MGAT1: variants seen among roughly 807,000 people sequenced by gnomAD.
The protein encoded by MGAT1 is N-glycosyl-oligosaccharide-glycoprotein N-acetylglucosaminyltransferase I.
A neutral mutation model predicts 31.7 loss-of-function variants in MGAT1; 14 were observed. The observed-to-expected ratio is 0.44, with a 90% CI of 0.29 to 0.69. The LOEUF (loss-of-function observed/expected upper bound fraction) is 0.69, where lower values mean the gene tolerates loss of function less well. Among genes scored for constraint, MGAT1 ranks in the 30% least tolerant of loss-of-function variants. The pLI is 0.12. For missense variants in MGAT1, 557 were observed against 626.0 expected, an observed-to-expected ratio of 0.89 and a Z score of 1.18; for synonymous variants, 338 against 276.0, an observed-to-expected ratio of 1.22 and a Z score of -2.23.
rs907045704 is a variant in MGAT1, at chr5:180,790,533, C to T, written c.*1101G>A. The T allele has an allele frequency of 6.6e-6, 1 of 152,336 alleles. No individual in the cohort carries two copies. The highest frequency in any genetic ancestry group is 6.5e-5 in the Admixed American group (1 of 15,282). The allele number at this position is 152,336 out of a possible 1,614,324, so 9.4% of individuals were successfully genotyped here. The stretch of plus-strand genomic sequence containing the variant: ...GCCACCTCCTTTTCCAGGACACACA[C>T]ACATAAATATTTTTCAGACAATTCA... On this transcript the variant is annotated 3_prime_UTR_variant, in exon 2 of 2. Transcript: ENST00000307826.
chr5:180,803,050 G>A (rs1771250769), upstream of MGAT1, among the ~76,000 whole-genome samples: 1 of 152,166 alleles, frequency 6.6e-6, no homozygotes, highest in South Asian at 2.1e-4. Context: ...GCGCAACCCT[G>A]AGGGTGGACG....
chr5:180,809,547 T>C (rs114138357), intron 1 of MGAT1: 3,896 of 152,178 alleles, frequency 0.026, 76 homozygotes, highest in African/African-American at 0.047. Context: ...CAGACCGAGA[T>C]GCTGGCATCT....
chr5:180,792,673 G>C lies in MGAT1; in HGVS notation c.299C>G (p.Thr100Ser), dbSNP rs752393530. The C allele has an allele frequency of 3.8e-6, 6 of 1,575,662 alleles. No individual in the cohort carries two copies. Among genetic ancestry groups the C allele is most frequent in the Admixed American group, 3.5e-5 (2 of 56,422 alleles). The change falls in exon 2 of 2, where the codon ACC (threonine) becomes AGC (serine). Residue 100 changes from threonine (T) to serine (S), a missense_variant. By Grantham distance (58) the Thr-to-Ser change is moderately conservative. Around this residue, in one of 3 missense-constraint regions of MGAT1, gnomAD observed 167 missense variants for 149.8 expected, o/e 1.11. Coordinates refer to ENST00000307826, the MANE Select transcript of MGAT1 (RefSeq NM_002406.4). ...APPAQPRVPV[T>S]PAPAVIPILV... ...GATGGGAATCACCGCCGGCGCGGGG[G>C]TCACAGGCACACGCGGCTGGGCGGG...
chr5:180,807,696 C>G (rs1317854679), upstream of MGAT1, among the ~76,000 whole-genome samples: 1 of 152,232 alleles, frequency 6.6e-6, no homozygotes. Context: ...AATGCAGTAT[C>G]TGCAAGACTC....
chr5:180,808,813 G>A (rs889079504), exon 2 of MGAT1: 2 of 152,176 alleles, frequency 1.3e-5, no homozygotes. Context: ...GGAGGAGTCT[G>A]GGGGGGAAGG....
chr5:180,791,725 T>C lies in MGAT1; in HGVS notation c.1247A>G (p.Tyr416Cys). 6.2e-7 allele frequency: 1 copy of C among 1,611,804 alleles called. No homozygotes were observed. The highest frequency in any genetic ancestry group is 8.5e-7 in the Non-Finnish European group (1 of 1,177,948). ...DLKSGVPRAG[Y>C]RGIVTFQFRG... ...GAACTGGAAGGTGACAATACCCCGG[T>C]AGCCAGCTCTCGGAACCCCCGACTT... The change falls in exon 2 of 2, where the codon TAC becomes TGC. Residue 416 changes from tyrosine to cysteine, a missense_variant. By Grantham distance (194) the Tyr-to-Cys change is radical. Coordinates refer to ENST00000307826, the MANE Select transcript of MGAT1 (RefSeq NM_002406.4).
At chr5:180,800,077 T>C (rs1443542199) in intron 1 of MGAT1, among the ~76,000 whole-genome samples, 1 of 152,184 alleles carries the variant, frequency 6.6e-6, no homozygotes, top group Non-Finnish European at 1.5e-5. Context: ...GAGATGTTAA[T>C]AAAATGATTC....
chr5:180,812,429 T>G (rs766219497), intron 1 of MGAT1, among the ~76,000 whole-genome samples: 1 of 152,242 alleles, frequency 6.6e-6, no homozygotes. Context: ...TTTTTCGTGC[T>G]TGTTATAACA....
rs914339947 is a variant in MGAT1 at position 180,791,304 on chromosome 5, G to A, written c.*330C>T. On this transcript the variant is annotated 3_prime_UTR_variant, in exon 2 of 2. Coordinates refer to ENST00000307826, the MANE Select transcript of MGAT1 (RefSeq NM_002406.4). ...GGAGAAGGGGTCTGGTCAAGAGAGCGAACGTTGCCAAACTCTCTGCACATG... is the reference window on the plus strand; with the variant it reads ...GGAGAAGGGGTCTGGTCAAGAGAGCAAACGTTGCCAAACTCTCTGCACATG... 1.0e-5 allele frequency: 4 copies of A among 381,498 alleles called. No homozygotes were observed. The highest frequency in any genetic ancestry group is 6.1e-5 in the African/African-American group (3 of 48,912). 23.6% of individuals were successfully genotyped at this position (381,498 alleles called of 1,614,324 possible).
At chr5:180,793,301 G>C (rs1024014352) in intron 1 of MGAT1, among the ~76,000 whole-genome samples, 7 of 152,174 alleles carry the variant, frequency 4.6e-5, no homozygotes, top group Non-Finnish European at 1.0e-4. Context: ...GATGCTGGTG[G>C]AGGGAGAGAG....
At chr5:180,805,477 C>T (rs2113536396), upstream of MGAT1, among the ~76,000 whole-genome samples, 1 of 152,328 alleles carries the variant, frequency 6.6e-6, no homozygotes, top group Non-Finnish European at 1.5e-5. Context: ...GCAGGCTGGG[C>T]GCAGTGGCTC....
At chr5:180,795,456 G>A (rs1049982882) in intron 1 of MGAT1, 1 of 152,158 alleles carries the variant, frequency 6.6e-6, no homozygotes, top group African/African-American at 2.4e-5. Context: ...ATGGACAGTA[G>A]GTTAAAGTAT....
At chr5:180,795,051 C>T (rs2113291356) in intron 1 of MGAT1, among the ~76,000 whole-genome samples, 1 of 152,240 alleles carries the variant, frequency 6.6e-6, no homozygotes, top group East Asian at 1.9e-4. Context: ...AATAATTACA[C>T]AATATGGGTC....
At chr5:180,799,991 G>C (rs1431761502) in intron 1 of MGAT1, among the ~76,000 whole-genome samples, 1 of 152,172 alleles carries the variant, frequency 6.6e-6, no homozygotes, top group Non-Finnish European at 1.5e-5. Context: ...CTAGACACAG[G>C]AGACAGCCCT....
At chr5:180,802,825 G>T (rs1401833577), upstream of MGAT1, 1 of 151,496 alleles carries the variant, frequency 6.6e-6, no homozygotes, top group South Asian at 2.1e-4. Flanking sequence ...GGGGCCGGAC[G>T]GCCGGGCGGG....
At chr5:180,813,516 C>T (rs905661907) in intron 1 of MGAT1, among the ~76,000 whole-genome samples, 1 of 152,222 alleles carries the variant, frequency 6.6e-6, no homozygotes, top group East Asian at 1.9e-4. Flanking sequence ...CAGTAGTCAC[C>T]GCTAGCTGGG....
chr5:180,807,916 A>G (rs1772065855), intron 2 of MGAT1, among the ~76,000 whole-genome samples: 1 of 152,222 alleles, frequency 6.6e-6, no homozygotes, highest in Non-Finnish European at 1.5e-5. Flanking sequence ...GTAGAGCAAC[A>G]TCGATGTTAT....
intron 1 of MGAT1, among the ~76,000 whole-genome samples, chr5:180,812,395 C>G (rs1772632418): frequency 6.6e-6 from 1 of 152,154 alleles, no homozygotes. Flanking sequence ...TAATTATAAC[C>G]ATTTTTACTT....
In MGAT1 at chr5:180,791,226, G is replaced by A. The variant is rs983267813; in HGVS notation, c.*408C>T. 1 of 201,172 alleles carries A rather than the reference G, an allele frequency of 5.0e-6. No individual in the cohort carries two copies. The highest frequency in any genetic ancestry group is 5.5e-5 in the Admixed American group (1 of 18,132). 12.5% of individuals were successfully genotyped at this position (201,172 alleles called of 1,614,324 possible). On this transcript the variant is annotated 3_prime_UTR_variant, in exon 2 of 2. Coordinates refer to ENST00000307826, the MANE Select transcript of MGAT1 (RefSeq NM_002406.4). ...CATAACTCAGTCCCCACTGGGGGAA[G>A]GGGAGCAGGTATAGAAGGAGGGCTC...
Sources: allele counts gnomAD v4.1 joint callset (sites outside exome capture counted in the v4.1 genomes callset), GRCh38; gene constraint gnomAD v4.1.1; regional missense constraint gnomAD v4.1.1; transcripts MANE v1.5; gene names NCBI Gene and HGNC (gene_info 2026-07-23, HGNC 2026-07-21).